CPS1: variants seen among roughly 807,000 people sequenced by gnomAD.
CPS1 encodes the protein carbamoyl-phosphate synthase [ammonia], mitochondrial.
CPS1 carries 109 observed loss-of-function variants against 174.6 expected under a neutral mutation model. The observed-to-expected ratio is 0.62, with a 90% CI of 0.53 to 0.73. The LOEUF is 0.73. CPS1 is among the 30% of genes least tolerant of loss of function. The pLI, the probability that CPS1 is intolerant of heterozygous loss-of-function variation, is 0.00. For missense variants in CPS1, 1,689 were observed against 1,821.9 expected (o/e 0.93, Z 1.33); for synonymous variants, 637 against 632.0 (o/e 1.01, Z -0.12).
In CPS1 at chr2:210,612,354, A is replaced by G; in HGVS notation, c.2568+61A>G. On this transcript the variant is annotated intron_variant, in intron 20 of 37. Coordinates refer to ENST00000233072, the MANE Select transcript of CPS1 (RefSeq NM_001875.5). Reference sequence around the variant, plus strand: ...CTTTTCCAGAATGTAGTCAGTCTGGACATTAAAATAAAACTGAATCACAAA... The same window carrying G: ...CTTTTCCAGAATGTAGTCAGTCTGGGCATTAAAATAAAACTGAATCACAAA... The G allele has an allele frequency of 1.9e-6, 3 of 1,582,486 alleles. 1 individual carries two copies. In the South Asian group the frequency reaches 3.3e-5, roughly 18 times the overall value.
intron 1 of CPS1, among the ~76,000 whole-genome samples, chr2:210,504,166 C>T (rs576368942): frequency 4.5e-4 from 69 of 152,222 alleles, no homozygotes; most frequent in African/African-American, 1.4e-3. Flanking sequence ...TGATGGGTCA[C>T]TGCCTGAAAC....
intron 36 of CPS1, among the ~76,000 whole-genome samples, chr2:210,676,421 A>G (rs188094407): frequency 2.0e-5 from 3 of 152,364 alleles, no homozygotes; most frequent in African/African-American, 7.2e-5. Flanking sequence ...GCATAAGTAC[A>G]TAGGAGATAA....
At chr2:210,520,721 C>G (rs1432220264) in intron 1 of CPS1, among the ~76,000 whole-genome samples, 1 of 151,988 alleles carries the variant, frequency 6.6e-6, no homozygotes, top group Non-Finnish European at 1.5e-5. Flanking sequence ...TGTCTAGCTT[C>G]TTTCACCAAA....
intron 1 of CPS1, among the ~76,000 whole-genome samples, chr2:210,567,797 A>G (rs555026105): frequency 6.6e-6 from 1 of 152,296 alleles, no homozygotes; most frequent in African/African-American, 2.4e-5. Context: ...CCTTACTTTC[A>G]TCTTCTATCT....
Position 210,616,474 on chromosome 2 carries a change from G to C in CPS1, c.2620G>C (p.Asp874His). The change falls in exon 21 of 38, where the codon GAC (aspartate) becomes CAC (histidine). Residue 874 changes from aspartate to histidine, a missense_variant. Coordinates refer to ENST00000233072, the MANE Select transcript of CPS1 (RefSeq NM_001875.5). Reference protein sequence around the residue: ...LDEIEKLTYIDKWFLYKMRDI... With the variant: ...LDEIEKLTYIHKWFLYKMRDI... ...TGAGATTGAGAAGCTCACATACATT[G>C]ACAAGTGGTTTTTGTATAAGATGCG... 1 of 1,612,440 alleles carries C rather than the reference G, an allele frequency of 6.2e-7. No individual in the cohort carries two copies. Among genetic ancestry groups the C allele is most frequent in the Non-Finnish European group, 8.5e-7 (1 of 1,178,908 alleles).
In CPS1 at chr2:210,639,132, A is replaced by T. The variant is rs116664530; in HGVS notation, c.2830-18A>T. On this transcript the variant is annotated intron_variant, in intron 22 of 37. Transcript: ENST00000233072. Reference sequence around the variant, plus strand: ...AATAACATTCTTATTTGTTTATTTTATTTGTTTTCTCTTACAGATTGATAC... The same window carrying T: ...AATAACATTCTTATTTGTTTATTTTTTTTGTTTTCTCTTACAGATTGATAC... The T allele has an allele frequency of 1.3e-6, 2 of 1,597,082 alleles. No homozygotes were observed. The highest frequency in any genetic ancestry group is 1.7e-6 in the Non-Finnish European group (2 of 1,166,122).
chr2:210,603,503 G>A (rs1401884839), intron 16 of CPS1, among the ~76,000 whole-genome samples: 1 of 151,824 alleles, frequency 6.6e-6, no homozygotes, highest in Non-Finnish European at 1.5e-5. Context: ...GCAAAAACAT[G>A]TTTTTGAAGA....
intron 1 of CPS1, among the ~76,000 whole-genome samples, chr2:210,494,887 G>A (rs2105955415): frequency 6.6e-6 from 1 of 152,254 alleles, no homozygotes. Flanking sequence ...GGTGCACATG[G>A]CATGCAACAC....
intron 1 of CPS1, among the ~76,000 whole-genome samples, chr2:210,532,618 G>A (rs2106002125): frequency 6.6e-6 from 1 of 151,944 alleles, no homozygotes; most frequent in East Asian, 1.9e-4. Context: ...AAATTTTCCT[G>A]TAGTGGTATA....
At chr2:210,532,809 G>A (rs1397174697) in intron 1 of CPS1, among the ~76,000 whole-genome samples, 2 of 152,072 alleles carry the variant, frequency 1.3e-5, no homozygotes, top group East Asian at 3.9e-4. Context: ...CTACCAACTG[G>A]GCAGAGGGCC....
intron 33 of CPS1, among the ~76,000 whole-genome samples, chr2:210,664,084 C>T (rs535247240): frequency 6.6e-6 from 1 of 152,194 alleles, no homozygotes; most frequent in Non-Finnish European, 1.5e-5. Flanking sequence ...GAATAAATGG[C>T]TGTCCTGTTT....
intron 1 of CPS1, among the ~76,000 whole-genome samples, chr2:210,562,213 T>C (rs1697125559): frequency 6.6e-6 from 1 of 152,236 alleles, no homozygotes; most frequent in Admixed American, 6.5e-5. Context: ...ATCTTTTGTT[T>C]ATAAATGTTC....
chr2:210,566,518 T>C (rs769105865), intron 1 of CPS1, among the ~76,000 whole-genome samples: 8 of 152,358 alleles, frequency 5.3e-5, no homozygotes, highest in African/African-American at 4.8e-5. Flanking sequence ...CATGGCAATT[T>C]TGAATTAAGG....
At chr2:210,559,928 A>T (rs188155868) in intron 1 of CPS1, among the ~76,000 whole-genome samples, 160 of 151,882 alleles carry the variant, frequency 1.1e-3, no homozygotes, top group African/African-American at 3.4e-3. Context: ...CTGGATATTT[A>T]AAAAAAAATT....
intron 10 of CPS1, among the ~76,000 whole-genome samples, chr2:210,592,366 C>T (rs1009988073): frequency 3.9e-5 from 6 of 151,974 alleles, no homozygotes; most frequent in Admixed American, 2.6e-4. Context: ...CTTATTCTCT[C>T]ATCAGTTGAC....
At chr2:210,600,127 G>A (rs1559098452) in intron 14 of CPS1, among the ~76,000 whole-genome samples, 1 of 150,980 alleles carries the variant, frequency 6.6e-6, no homozygotes, top group Non-Finnish European at 1.5e-5. Flanking sequence ...AAAAAAAAAG[G>A]ACTAAGGCAA....
At chr2:210,488,489 G>A (rs1450756333) in intron 1 of CPS1, among the ~76,000 whole-genome samples, 3 of 152,126 alleles carry the variant, frequency 2.0e-5, no homozygotes, top group African/African-American at 4.8e-5. Context: ...TTCTTTTCCA[G>A]GTTTGACAGA....
At chr2:210,571,762 C>T (rs1697497740) in intron 1 of CPS1, among the ~76,000 whole-genome samples, 1 of 151,646 alleles carries the variant, frequency 6.6e-6, no homozygotes, top group African/African-American at 2.4e-5. Context: ...TTCATTTTAA[C>T]ATTTGAAAAA....
chr2:210,577,404 ACTGT>A lies in CPS1; in HGVS notation c.382-10_382-7del, dbSNP rs1354079241. ...ATCTTGTGATAACCTCTTTAAAATGACTGTCTGTCTTTCTAGGTTTCAGGTTTGC... is the reference window on the plus strand; with the variant it reads ...ATCTTGTGATAACCTCTTTAAAATGACTGTCTTTCTAGGTTTCAGGTTTGC... On this transcript the variant is annotated splice_polypyrimidine_tract_variant and intron_variant, in intron 3 of 37. Transcript: ENST00000233072. 11 of 1,591,232 alleles carry A rather than the reference ACTGT, an allele frequency of 6.9e-6. No individual in the cohort carries two copies. The highest frequency in any genetic ancestry group is 6.7e-5 in the African/African-American group (5 of 74,382).
Sources: allele counts gnomAD v4.1 joint callset (sites outside exome capture counted in the v4.1 genomes callset), GRCh38; gene constraint gnomAD v4.1.1; transcripts MANE v1.5; gene names NCBI Gene and HGNC (gene_info 2026-07-23, HGNC 2026-07-21).